KLRG1: variants seen among roughly 807,000 people sequenced by gnomAD.
The protein encoded by KLRG1 is killer cell lectin-like receptor subfamily G member 1.
A neutral mutation model predicts 21.8 loss-of-function variants in KLRG1; 16 were observed. The observed-to-expected ratio is 0.73, with a 90% CI of 0.50 to 1.11. The LOEUF is 1.11. Among genes scored for constraint, KLRG1 ranks in the 50% most tolerant of loss-of-function variants. KLRG1 has a pLI of 0.00. For synonymous variants in KLRG1, 69 were observed against 75.9 expected, an observed-to-expected ratio of 0.91 and a Z score of 0.47; for missense variants, 173 against 218.3, an observed-to-expected ratio of 0.79 and a Z score of 1.31.
At chr12:9,106,395 A>C in the KLRG1 span, 1 of 1,484,150 alleles carries the variant, frequency 6.7e-7, no homozygotes, top group Non-Finnish European at 9.3e-7. Flanking sequence ...TGATGTCTCT[A>C]AAATTCTATC....
At chr12:8,969,041 T>G (rs1946525203) in intron 1 of KLRG1, among the ~76,000 whole-genome samples, 1 of 152,334 alleles carries the variant, frequency 6.6e-6, no homozygotes, top group East Asian at 1.9e-4. Flanking sequence ...AAGTTTATCC[T>G]CAACAAAGCT....
chr12:9,059,996 C>CCTT, the KLRG1 span, among the ~76,000 whole-genome samples: 14 of 75,568 alleles, frequency 1.9e-4, no homozygotes, highest in African/African-American at 7.5e-4. Context: ...GCCCTGGCAT[C>CCTT]TTTTTTTTTT....
At chr12:9,187,356 C>T in the KLRG1 span, among the ~76,000 whole-genome samples, 1 of 152,138 alleles carries the variant, frequency 6.6e-6, no homozygotes, top group Admixed American at 6.5e-5. Flanking sequence ...ACAAAACTAT[C>T]CACTACAAAA....
chr12:9,004,447 T>G (rs1034321276), intron 3 of KLRG1, among the ~76,000 whole-genome samples: 1 of 152,230 alleles, frequency 6.6e-6, no homozygotes, highest in Non-Finnish European at 1.5e-5. Flanking sequence ...GTGTGTTCTT[T>G]ATTTCTATAG....
At chr12:9,153,780 C>T in the KLRG1 span, among the ~76,000 whole-genome samples, 17 of 152,200 alleles carry the variant, frequency 1.1e-4, no homozygotes, top group African/African-American at 3.9e-4. Context: ...TTTATTTACC[C>T]CACCTAATCT....
intron 1 of KLRG1, among the ~76,000 whole-genome samples, chr12:8,980,175 A>T (rs1946731210): frequency 6.6e-6 from 1 of 151,254 alleles, no homozygotes; most frequent in Non-Finnish European, 1.5e-5. Context: ...TGCTGGGATT[A>T]CTGGGATTAC....
chr12:9,191,403 A>T, the KLRG1 span, among the ~76,000 whole-genome samples: 1,729 of 152,204 alleles, frequency 0.011, 18 homozygotes, highest in South Asian at 0.03. Flanking sequence ...TGTTTAATTA[A>T]AATAATTATT....
chr12:9,215,192 A>G, the KLRG1 span, among the ~76,000 whole-genome samples: 396 of 152,152 alleles, frequency 2.6e-3, 9 homozygotes, highest in East Asian at 0.054. Flanking sequence ...AAAGAACCCT[A>G]TTAGACACTG....
In KLRG1 at chr12:9,004,405, A is replaced by G. The variant is rs1024387495; in HGVS notation, c.358-4570A>G. On this transcript the variant is annotated intron_variant, in intron 3 of 4. Transcript: ENST00000356986. ...TTTAATGATTGCCATGTGTTCAGAGAGTTTTAACTTCTTGCAGCATAATAC... is the reference window on the plus strand; with the variant it reads ...TTTAATGATTGCCATGTGTTCAGAGGGTTTTAACTTCTTGCAGCATAATAC... 5.9e-5 allele frequency among the ~76,000 whole-genome samples: 9 copies of G among 152,248 alleles called. No individual in the cohort carries two copies. In the East Asian group the frequency reaches 1.7e-3, roughly 29 times the overall value.
the KLRG1 span, among the ~76,000 whole-genome samples, chr12:9,099,737 C>T: frequency 2.6e-5 from 4 of 152,184 alleles, no homozygotes; most frequent in Admixed American, 2.0e-4. Flanking sequence ...GCTCACCCAC[C>T]TAATGTTCTG....
At chr12:9,188,426 G>C in the KLRG1 span, among the ~76,000 whole-genome samples, 1 of 152,070 alleles carries the variant, frequency 6.6e-6, no homozygotes, top group African/African-American at 2.4e-5. Context: ...ATACTGAATG[G>C]GCAAAAGCTG....
At chr12:9,185,437 T>C in the KLRG1 span, among the ~76,000 whole-genome samples, 1 of 152,190 alleles carries the variant, frequency 6.6e-6, no homozygotes, top group African/African-American at 2.4e-5. Flanking sequence ...ATTATTTATG[T>C]AAAAAGACTG....
the KLRG1 span, chr12:9,196,333 TG>T: frequency 1.2e-6 from 2 of 1,601,836 alleles, no homozygotes; most frequent in Non-Finnish European, 1.7e-6. Context: ...ATCTTACCTG[TG>T]CAAAAAAGGG....
the KLRG1 span, chr12:9,098,447 T>C: frequency 6.4e-6 from 2 of 311,232 alleles, no homozygotes; most frequent in East Asian, 9.1e-5. Flanking sequence ...TATATATATA[T>C]ATAATTCCTT....
intron 3 of KLRG1, among the ~76,000 whole-genome samples, chr12:9,006,934 T>C (rs183945473): frequency 2.0e-5 from 3 of 152,352 alleles, no homozygotes; most frequent in Admixed American, 2.0e-4. Context: ...CAAATGATAC[T>C]GGGAATGAAC....
At chr12:9,033,392 C>A in the KLRG1 span, among the ~76,000 whole-genome samples, 2 of 151,734 alleles carry the variant, frequency 1.3e-5, no homozygotes, top group East Asian at 3.9e-4. Context: ...CTACAATGGG[C>A]TACAATCATA....
the KLRG1 span, among the ~76,000 whole-genome samples, chr12:9,184,223 G>A: frequency 3.7e-3 from 568 of 152,308 alleles, 3 homozygotes; most frequent in Middle Eastern, 6.8e-3. Context: ...ACTGACATCA[G>A]AGCATTGGCA....
the KLRG1 span, among the ~76,000 whole-genome samples, chr12:9,198,695 A>C: frequency 6.6e-6 from 1 of 152,134 alleles, no homozygotes; most frequent in Non-Finnish European, 1.5e-5. Context: ...AATACACAAT[A>C]ATTTTGTTTT....
chr12:9,106,643 A>T, the KLRG1 span: 1 of 1,071,928 alleles, frequency 9.3e-7, no homozygotes. Flanking sequence ...AATATAATGC[A>T]TATTATACTA....
Sources: allele counts gnomAD v4.1 joint callset (sites outside exome capture counted in the v4.1 genomes callset), GRCh38; gene constraint gnomAD v4.1.1; transcripts MANE v1.5; gene names NCBI Gene and HGNC (gene_info 2026-07-23, HGNC 2026-07-21).